The following CERS6 variants were observed in gnomAD, a reference collection of about 807,000 sequenced individuals.
The protein encoded by CERS6 is LAG1 homolog, ceramide synthase 6.
CERS6 carries 26 observed loss-of-function variants against 56.8 expected under a neutral mutation model. That is an observed-to-expected ratio of 0.46 (90% confidence interval 0.34 to 0.63). The LOEUF is 0.63. Among genes scored for constraint, CERS6 ranks in the 30% least tolerant of loss-of-function variants. CERS6 has a pLI of 0.01. For missense variants in CERS6, 415 were observed against 467.5 expected, an observed-to-expected ratio of 0.89 and a Z score of 1.04; for synonymous variants, 164 against 173.3, an observed-to-expected ratio of 0.95 and a Z score of 0.42.
At chr2:168,557,020 A>AT (rs1558996756) in intron 2 of CERS6, among the ~76,000 whole-genome samples, 4 of 137,912 alleles carry the variant, frequency 2.9e-5, no homozygotes, top group African/African-American at 8.0e-5. Flanking sequence ...AAAAAAAAAA[A>AT]AGGCATGTTG....
chr2:168,558,889 T>C (rs1695734706), intron 2 of CERS6, among the ~76,000 whole-genome samples: 1 of 152,120 alleles, frequency 6.6e-6, no homozygotes, highest in African/African-American at 2.4e-5. Flanking sequence ...AAGAAACTGA[T>C]TTAATAATAA....
At chr2:168,457,565 T>C (rs1693695695) in intron 1 of CERS6, among the ~76,000 whole-genome samples, 1 of 152,114 alleles carries the variant, frequency 6.6e-6, no homozygotes, top group Non-Finnish European at 1.5e-5. Context: ...ACAGAAAATA[T>C]TATCTTCCCC....
intron 9 of CERS6, among the ~76,000 whole-genome samples, chr2:168,768,424 G>C (rs1295254358): frequency 1.3e-5 from 2 of 151,090 alleles, no homozygotes; most frequent in Admixed American, 6.6e-5. Context: ...GTTGAGACTG[G>C]GCTTCTCCAT....
intron 1 of CERS6, among the ~76,000 whole-genome samples, chr2:168,514,476 G>A (rs929595595): frequency 6.6e-6 from 1 of 152,158 alleles, no homozygotes; most frequent in Non-Finnish European, 1.5e-5. Context: ...CAGTCCTGGG[G>A]GACCCCACCT....
At chr2:168,524,074 G>A (rs1298098695) in intron 1 of CERS6, among the ~76,000 whole-genome samples, 1 of 152,166 alleles carries the variant, frequency 6.6e-6, no homozygotes, top group East Asian at 1.9e-4. Context: ...TCATTCAAGG[G>A]CCACCCTGGA....
chr2:168,654,256 T>C (rs1283183801), intron 4 of CERS6, among the ~76,000 whole-genome samples: 1 of 152,168 alleles, frequency 6.6e-6, no homozygotes. Context: ...TTTTTTAAAA[T>C]GTGTGTCGTA....
At chr2:168,485,995 A>G (rs1694268559) in intron 1 of CERS6, among the ~76,000 whole-genome samples, 1 of 152,182 alleles carries the variant, frequency 6.6e-6, no homozygotes, top group African/African-American at 2.4e-5. Context: ...ATGAGTTTCC[A>G]TTGCTTGTCA....
chr2:168,558,229 A>G (rs1695718093), intron 2 of CERS6, among the ~76,000 whole-genome samples: 1 of 152,056 alleles, frequency 6.6e-6, no homozygotes, highest in Non-Finnish European at 1.5e-5. Context: ...TTACAAATGC[A>G]TAGACCCCTT....
At chr2:168,678,408 C>T (rs1178129351) in intron 4 of CERS6, among the ~76,000 whole-genome samples, 1 of 152,192 alleles carries the variant, frequency 6.6e-6, no homozygotes, top group Non-Finnish European at 1.5e-5. Context: ...CTGAGAAGCA[C>T]TGGCTGGCTG....
Position 168,770,778 on chromosome 2 carries a change from G to C in CERS6, c.*1116G>C, listed in dbSNP as rs1220458643. The C allele has an allele frequency of 1.3e-5, 2 of 152,482 alleles. No homozygotes were observed. The highest frequency in any genetic ancestry group is 4.8e-5 in the African/African-American group (2 of 41,412). The allele number at this position is 152,482 out of a possible 1,614,324, so 9.4% of individuals were successfully genotyped here. A position where few individuals can be genotyped will look rare whatever the true frequency, so the allele number is the denominator to read the frequency against. ...TGGGAGAAAGACTATTTTACCCTTTGCTTTTCTCCTTAAACGTAATCCAGA... is the reference window on the plus strand; with the variant it reads ...TGGGAGAAAGACTATTTTACCCTTTCCTTTTCTCCTTAAACGTAATCCAGA... On this transcript the variant is annotated 3_prime_UTR_variant, in exon 10 of 10. Transcript: ENST00000305747.
intron 6 of CERS6, among the ~76,000 whole-genome samples, chr2:168,707,120 A>T (rs1172620745): frequency 6.6e-6 from 1 of 152,224 alleles, no homozygotes; most frequent in African/African-American, 2.4e-5. Flanking sequence ...TAATTAAATC[A>T]CATCAGTATA....
chr2:168,598,117 G>A (rs1188095829), intron 3 of CERS6, among the ~76,000 whole-genome samples: 2 of 152,176 alleles, frequency 1.3e-5, no homozygotes, highest in African/African-American at 4.8e-5. Context: ...CACCACCCTA[G>A]AGATAATGCC....
intron 1 of CERS6, among the ~76,000 whole-genome samples, chr2:168,520,963 TCTC>T (rs1219422175): frequency 1.3e-5 from 2 of 152,088 alleles, no homozygotes; most frequent in South Asian, 2.1e-4. Flanking sequence ...TCTATACTCT[TCTC>T]CTCCCTGCAA....
At chr2:168,558,725 A>G (rs999558236) in intron 2 of CERS6, among the ~76,000 whole-genome samples, 1 of 152,136 alleles carries the variant, frequency 6.6e-6, no homozygotes, top group Non-Finnish European at 1.5e-5. Flanking sequence ...AAAAATTAGC[A>G]GGGTGTGGTG....
In CERS6 at chr2:168,692,264, ACTTGGAACAT is replaced by A. The variant is rs957114256; in HGVS notation, c.516+1181_516+1190del. ...CTCAGGCCCAACTGCTGTTTACCGTACTTGGAACATTGTCACATAAGGCTCCTTGTGTCCT... is the reference window on the plus strand; with the variant it reads ...CTCAGGCCCAACTGCTGTTTACCGTATGTCACATAAGGCTCCTTGTGTCCT... On this transcript the variant is annotated intron_variant, in intron 5 of 9. Coordinates refer to ENST00000305747, the MANE Select transcript of CERS6 (RefSeq NM_203463.3). Among the ~76,000 whole-genome samples, 10 of 152,318 alleles carry A rather than the reference ACTTGGAACAT, an allele frequency of 6.6e-5. No individual in the cohort carries two copies. The East Asian group carries it at 1.7e-3, about 26-fold the overall frequency.
intron 4 of CERS6, among the ~76,000 whole-genome samples, chr2:168,637,771 ATG>A (rs2105303304): frequency 6.6e-6 from 1 of 152,334 alleles, no homozygotes; most frequent in South Asian, 2.1e-4. Flanking sequence ...AATCTCATGT[ATG>A]TGTTTTACTG....
intron 9 of CERS6, chr2:168,766,210 A>G (rs1360221060): frequency 1.4e-5 from 13 of 946,252 alleles, no homozygotes; most frequent in South Asian, 4.0e-5. Context: ...TGATTCGAAT[A>G]AAGCTTCCTA....
At chr2:168,594,719 T>C (rs1439721660) in intron 3 of CERS6, among the ~76,000 whole-genome samples, 2 of 152,230 alleles carry the variant, frequency 1.3e-5, no homozygotes, top group Non-Finnish European at 2.9e-5. Context: ...GGTCATGTTA[T>C]TACCATGAGC....
intron 6 of CERS6, among the ~76,000 whole-genome samples, chr2:168,713,752 A>G (rs1192631766): frequency 6.6e-6 from 1 of 152,072 alleles, no homozygotes; most frequent in Non-Finnish European, 1.5e-5. Context: ...ATGCATATGT[A>G]CCCCCCTGAA....
Sources: gnomAD v4.1 joint callset for allele counts (sites outside exome capture counted in the v4.1 genomes callset) on GRCh38, gnomAD v4.1.1 for gene constraint, MANE v1.5 for transcripts, NCBI Gene and HGNC (gene_info 2026-07-23, HGNC 2026-07-21) for gene names.